RFTN2: variants seen among roughly 807,000 people sequenced by gnomAD.
RFTN2 encodes the protein raftlin family member 2.
RFTN2 carries 34 observed loss-of-function variants against 52.7 expected under a neutral mutation model. The observed-to-expected ratio is 0.64, with a 90% CI of 0.49 to 0.86. The LOEUF (loss-of-function observed/expected upper bound fraction) is 0.86. Ranked by LOEUF, RFTN2 falls within the 40% of genes least tolerant of loss-of-function variation. The pLI is 0.00. For synonymous variants in RFTN2, 203 were observed against 217.7 expected (o/e 0.93, Z 0.59); for missense variants, 536 against 600.1 (o/e 0.89, Z 1.12).
chr2:197,576,733 A>G (rs1345256170), intron 8 of RFTN2, among the ~76,000 whole-genome samples: 1 of 152,240 alleles, frequency 6.6e-6, no homozygotes, highest in Admixed American at 6.5e-5. Context: ...AATACCATTT[A>G]TGACACTGTT....
At chr2:197,592,070 C>G (rs1163797412) in intron 8 of RFTN2, among the ~76,000 whole-genome samples, 1 of 152,146 alleles carries the variant, frequency 6.6e-6, no homozygotes, top group Non-Finnish European at 1.5e-5. Flanking sequence ...GCTGAGGAGG[C>G]GCGGAGAGTG....
At chr2:197,592,019 G>A (rs1252337016) in intron 8 of RFTN2, among the ~76,000 whole-genome samples, 5 of 152,178 alleles carry the variant, frequency 3.3e-5, no homozygotes, top group Non-Finnish European at 7.4e-5. Context: ...TGCAGCGGCG[G>A]GCTGAAGGGC....
chr2:197,649,587 T>C (rs1227937729), intron 1 of RFTN2, among the ~76,000 whole-genome samples: 2 of 152,206 alleles, frequency 1.3e-5, no homozygotes, highest in Non-Finnish European at 2.9e-5. Context: ...CTTGCTGACT[T>C]GGTTGGAGTC....
intron 1 of RFTN2, among the ~76,000 whole-genome samples, chr2:197,651,176 G>A (rs10203581): frequency 0.7 from 106,307 of 152,096 alleles, 37,674 homozygotes; most frequent in Middle Eastern, 0.85. Flanking sequence ...CCTTTATCAG[G>A]TATATGATTT....
intron 1 of RFTN2, among the ~76,000 whole-genome samples, chr2:197,674,939 A>G (rs1020421794): frequency 6.6e-6 from 1 of 152,170 alleles, no homozygotes. Flanking sequence ...TGCAAGTAAT[A>G]TTTACTACAT....
intron 8 of RFTN2, among the ~76,000 whole-genome samples, chr2:197,586,817 C>G (rs536946208): frequency 2.0e-5 from 3 of 152,126 alleles, no homozygotes; most frequent in Non-Finnish European, 4.4e-5. Context: ...CCAAAACCGC[C>G]GAGGCCTTGA....
chr2:197,629,726 A>ATTTTT (rs2088433393), intron 5 of RFTN2, among the ~76,000 whole-genome samples: 9 of 146,760 alleles, frequency 6.1e-5, no homozygotes, highest in South Asian at 2.2e-4. Flanking sequence ...ATTTTATTTT[A>ATTTTT]TTTTATTTTT....
At chr2:197,598,698 A>G (rs2087829153) in intron 7 of RFTN2, among the ~76,000 whole-genome samples, 1 of 152,196 alleles carries the variant, frequency 6.6e-6, no homozygotes, top group South Asian at 2.1e-4. Flanking sequence ...GTCTTTTGGA[A>G]TCTCCATTTC....
rs997332114 is a variant in RFTN2 at position 197,597,341 on chromosome 2, G to A, written c.1155-1272C>T. 2.6e-5 allele frequency among the ~76,000 whole-genome samples: 4 copies of A among 152,082 alleles called. No homozygotes were observed. In the South Asian group the frequency reaches 6.2e-4, roughly 24 times the overall value. ...AAATCATCATGAGGCTTTGGTACAC[G>A]GGCGGGATTAGCATGTGTACAGAAA... is the stretch of plus-strand genomic sequence containing the variant. On this transcript the variant is annotated intron_variant, in intron 7 of 8. Coordinates refer to ENST00000295049, the MANE Select transcript of RFTN2 (RefSeq NM_144629.3).
intron 7 of RFTN2, among the ~76,000 whole-genome samples, chr2:197,602,369 C>G (rs887008622): frequency 5.9e-5 from 9 of 152,206 alleles, no homozygotes; most frequent in African/African-American, 2.2e-4. Flanking sequence ...CTGCCCCCAG[C>G]TGATAATTAA....
intron 8 of RFTN2, among the ~76,000 whole-genome samples, chr2:197,573,080 A>G (rs1295157246): frequency 6.7e-6 from 1 of 149,218 alleles, no homozygotes; most frequent in Non-Finnish European, 1.5e-5. Flanking sequence ...AGACTAATAC[A>G]GTAAATTGGT....
intron 5 of RFTN2, among the ~76,000 whole-genome samples, chr2:197,624,457 G>A (rs1223568247): frequency 1.3e-5 from 2 of 151,770 alleles, no homozygotes; most frequent in Non-Finnish European, 2.9e-5. Context: ...AATTAGCCGG[G>A]CGTGGTGGCG....
intron 1 of RFTN2, among the ~76,000 whole-genome samples, chr2:197,665,569 G>A (rs6757852): frequency 0.51 from 59,869 of 117,462 alleles, 14,787 homozygotes; most frequent in Middle Eastern, 0.65. Flanking sequence ...TGTTTTAGCT[G>A]ATATAGGTAT....
chr2:197,595,081 T>C (rs2087775248), intron 8 of RFTN2, among the ~76,000 whole-genome samples: 1 of 152,256 alleles, frequency 6.6e-6, no homozygotes, highest in Non-Finnish European at 1.5e-5. Flanking sequence ...GATTGCCTCA[T>C]TCAATCATTG....
At position 197,571,980 on chromosome 2, in the gene RFTN2, A is replaced by G. The variant is rs765666517; in HGVS notation, c.*28T>C. ...GGCAATGATTTTAACAATTATTTAC[A>G]GGGCCTTCCTTTGCTTCACCTCATG... On this transcript the variant is annotated 3_prime_UTR_variant, in exon 9 of 9. Coordinates refer to ENST00000295049, the MANE Select transcript of RFTN2 (RefSeq NM_144629.3). The G allele has an allele frequency of 6.3e-7, 1 of 1,599,468 alleles. No homozygotes were observed. Among genetic ancestry groups the G allele is most frequent in the Non-Finnish European group, 8.6e-7 (1 of 1,167,332 alleles).
intron 8 of RFTN2, among the ~76,000 whole-genome samples, chr2:197,574,647 C>T (rs1361482801): frequency 6.6e-6 from 1 of 152,104 alleles, no homozygotes; most frequent in Non-Finnish European, 1.5e-5. Flanking sequence ...ACAGGAGGAA[C>T]ACTTGAGGTC....
chr2:197,658,176 AAT>A (rs1218468179), intron 1 of RFTN2, among the ~76,000 whole-genome samples: 24 of 109,220 alleles, frequency 2.2e-4, no homozygotes, highest in Non-Finnish European at 4.4e-4. Context: ...ATTTTTAAAA[AAT>A]ATTTTTTTTT....
Position 197,635,194 on chromosome 2 carries a change from C to G in RFTN2, c.439-1197G>C, listed in dbSNP as rs201535363. 1.5e-4 allele frequency among the ~76,000 whole-genome samples: 23 copies of G among 152,248 alleles called. No homozygotes were observed. The South Asian group carries it at 4.8e-3, about 32-fold the overall frequency. ...CTATTGTGAATAATGCCGCAATAAA[C>G]ATACTTGTGCATGTGTCTTTATAGC... On this transcript the variant is annotated intron_variant, in intron 3 of 8. Transcript: ENST00000295049.
intron 8 of RFTN2, among the ~76,000 whole-genome samples, chr2:197,588,355 T>C (rs535695724): frequency 6.6e-6 from 1 of 152,224 alleles, no homozygotes; most frequent in Admixed American, 6.5e-5. Flanking sequence ...TATTCATTTT[T>C]ATTTTTTATT....
Sources: allele counts gnomAD v4.1 joint callset (sites outside exome capture counted in the v4.1 genomes callset), GRCh38; gene constraint gnomAD v4.1.1; transcripts MANE v1.5; gene names NCBI Gene and HGNC (gene_info 2026-07-23, HGNC 2026-07-21).